POLRMT: variants seen among roughly 807,000 people sequenced by gnomAD.
POLRMT encodes the protein RNA polymerase mitochondrial, also known as DNA-directed RNA polymerase, mitochondrial.
Under a neutral mutation model 132.2 loss-of-function variants are expected in POLRMT, and 114 were observed. The observed-to-expected ratio is 0.86, with a 90% CI of 0.74 to 1.01. The LOEUF (loss-of-function observed/expected upper bound fraction) is 1.01, where lower values mean the gene tolerates loss of function less well. Ranked by LOEUF, POLRMT falls within the 50% of genes least tolerant of loss-of-function variation. The pLI, the probability that POLRMT is intolerant of heterozygous loss-of-function variation, is 0.00. For missense variants in POLRMT, 2,003 were observed against 1,729.1 expected, an observed-to-expected ratio of 1.16 and a Z score of -2.81; for synonymous variants, 1,020 against 773.4, an observed-to-expected ratio of 1.32 and a Z score of -5.29.
rs1984717336 is a variant in POLRMT, at chr19:622,728, C to G, written c.1480G>C (p.Gly494Arg). The change falls in exon 8 of 21, where the codon GGT becomes CGT. Residue 494 changes from glycine (G) to arginine (R), a missense_variant. Transcript: ENST00000588649. ...LQVLQALPAQGESFTTLAREL... is the reference protein window; with the variant it reads ...LQVLQALPAQRESFTTLAREL... ...CGGGCCAGGGTGGTGAAGGACTCAC[C>G]TTGGGCGGGCAGCGCCTGCAGGACC... is the stretch of plus-strand genomic sequence containing the variant. 2 of 1,597,228 alleles carry G rather than the reference C, an allele frequency of 1.3e-6. No homozygotes were observed. Among genetic ancestry groups the G allele is most frequent in the Non-Finnish European group, 1.7e-6 (2 of 1,173,366 alleles).
At chr19:633,238 G>A (rs1180938337) in intron 1 of POLRMT, 187 bp downstream of exon 1, 2 of 735,632 alleles carry the variant, frequency 2.7e-6, no homozygotes, top group East Asian at 3.3e-5. Context: ...ACGAGTCAAA[G>A]GTCAGACTGC....
Position 630,179 on chromosome 19 carries a change from C to A in POLRMT, c.194-11G>T. 6.4e-7 allele frequency: 1 copy of A among 1,573,840 alleles called. No individual in the cohort carries two copies. The highest frequency in any genetic ancestry group is 8.6e-7 in the Non-Finnish European group (1 of 1,158,808). Reference sequence around the variant, plus strand: ...CCCGCGCCTGGAGCACTGTGAGGGGCAGAAGGCGAGGACATGAGAGGGACC... The same window carrying A: ...CCCGCGCCTGGAGCACTGTGAGGGGAAGAAGGCGAGGACATGAGAGGGACC... On this transcript the variant is annotated splice_polypyrimidine_tract_variant and intron_variant, in intron 2 of 20. Transcript: ENST00000588649.
At chr19:618,874 G>C in intron 15 of POLRMT, 114 bp from the exon 16 acceptor site, 1 of 1,381,712 alleles carries the variant, frequency 7.2e-7, no homozygotes, top group Non-Finnish European at 1.0e-6. Flanking sequence ...CACTGGCGCG[G>C]GATGGGGTGG....
At chr19:629,414 G>A (rs564561359) in intron 3 of POLRMT, 126 bp downstream of exon 3, 8 of 1,048,838 alleles carry the variant, frequency 7.6e-6, no homozygotes, top group Admixed American at 2.8e-5. Context: ...AAGCCTAAAA[G>A]AATTATTAAA....
At chr19:632,464 G>A (rs1328290392) in intron 2 of POLRMT, among the ~76,000 whole-genome samples, 1 of 150,784 alleles carries the variant, frequency 6.6e-6, no homozygotes, top group Non-Finnish European at 1.5e-5. Context: ...ACCCCCCAGA[G>A]CCAAGCCAGG....
chr19:631,706 G>C (rs1291939274), intron 2 of POLRMT, among the ~76,000 whole-genome samples: 1 of 152,178 alleles, frequency 6.6e-6, no homozygotes, highest in African/African-American at 2.4e-5. Flanking sequence ...CCAAAACTCA[G>C]GAGATACTTT....
At position 620,483 on chromosome 19, in the gene POLRMT, C is replaced by T. The variant is rs1403793137; in HGVS notation, c.2645G>A (p.Arg882Gln). Residue 882 changes from arginine to glutamine, a missense_variant, in exon 11 of 21, where the codon CGA becomes CAA. Physicochemically the swap from Arg to Gln is conservative, Grantham distance 43. Coordinates refer to ENST00000588649, the MANE Select transcript of POLRMT (RefSeq NM_005035.4). ...TTCCTCCGCGCCCATCCACCACTTT[C>T]GGCCCTGCGGGGACAGCGGATGGGG... ...LDSADQPLTG[R>Q]KWWMGAEEPW... is the part of the protein sequence containing the mutation. 4 of 1,586,270 alleles carry T rather than the reference C, an allele frequency of 2.5e-6. No homozygotes were observed. The highest frequency in any genetic ancestry group is 2.3e-5 in the East Asian group (1 of 44,072).
At chr19:633,212 G>A (rs972109369) in intron 1 of POLRMT, 7 of 612,596 alleles carry the variant, frequency 1.1e-5, no homozygotes, top group Non-Finnish European at 1.6e-5. Context: ...GGGGTCAGGA[G>A]GCTGCATAAG....
intron 12 of POLRMT, 73 bp downstream of exon 12, chr19:619,885 C>A (rs1984368137): frequency 4.4e-6 from 7 of 1,589,006 alleles, no homozygotes; most frequent in Non-Finnish European, 6.0e-6. Flanking sequence ...AAGGTGAGGG[C>A]ACCTGGGGCC....
chr19:620,786 AGGGGGGAAC>A (rs1467492140), intron 10 of POLRMT, among the ~76,000 whole-genome samples: 2 of 26,436 alleles, frequency 7.6e-5, no homozygotes, highest in Non-Finnish European at 1.4e-4. Context: ...GATGCAGGGG[AGGGGGGAAC>A]GTGGGGAACG....
rs544106421 is a variant in POLRMT at position 619,185 on chromosome 19, C to G, written c.3153+25G>C. 11 of 1,610,622 alleles carry G rather than the reference C, an allele frequency of 6.8e-6. No homozygotes were observed. The South Asian group carries it at 1.2e-4, about 18-fold the overall frequency. On this transcript the variant is annotated intron_variant, in intron 14 of 20. Coordinates refer to ENST00000588649, the MANE Select transcript of POLRMT (RefSeq NM_005035.4). ...GTCCACTTGCTTAGGGAGTCCTGGC[C>G]GAGCGGGGACAGGACAGGACGTACC...
chr19:620,504 TG>T lies in POLRMT; in HGVS notation c.2641-18del, dbSNP rs1352169680. The T allele has an allele frequency of 9.7e-6, 15 of 1,552,064 alleles. No individual in the cohort carries two copies. Among genetic ancestry groups the T allele is most frequent in the Non-Finnish European group, 9.6e-6 (11 of 1,147,268 alleles). Reference sequence around the variant, plus strand: ...CTTTCGGCCCTGCGGGGACAGCGGATGGGGGGCAGTGAGGCCCGGGCCCGAT... The same window carrying T: ...CTTTCGGCCCTGCGGGGACAGCGGATGGGGGCAGTGAGGCCCGGGCCCGAT... On this transcript the variant is annotated intron_variant, in intron 10 of 20. Transcript: ENST00000588649.
At chr19:617,505 G>T in intron 19 of POLRMT, 25 bp from the exon 20 acceptor site, 2 of 1,605,762 alleles carry the variant, frequency 1.2e-6, no homozygotes, top group Non-Finnish European at 1.7e-6. Context: ...AGGGTGGGGT[G>T]AGGCTGAGGC....
At position 633,423 on chromosome 19, in the gene POLRMT, A is replaced by T; in HGVS notation, c.88+2T>A. ...CTGCCTGGCCGTCTCCCTTTGTGTT[A>T]CCTTCTTTGCCGGGGAGTCCCGGGC... is the stretch of plus-strand genomic sequence containing the variant. On this transcript the variant is annotated splice_donor_variant, in intron 1 of 20. Transcript: ENST00000588649. LOFTEE classifies it high-confidence loss of function. The T allele has an allele frequency of 1.3e-6, 2 of 1,543,578 alleles. No individual in the cohort carries two copies. Among genetic ancestry groups the T allele is most frequent in the Non-Finnish European group, 1.7e-6 (2 of 1,144,436 alleles).
Position 621,614 on chromosome 19 carries a change from G to A in POLRMT, c.2084C>T (p.Ala695Val), listed in dbSNP as rs1407363915. The A allele has an allele frequency of 1.3e-6, 2 of 1,513,958 alleles. No individual in the cohort carries two copies. Among genetic ancestry groups the A allele is most frequent in the Non-Finnish European group, 1.8e-6 (2 of 1,133,370 alleles). 93.8% of individuals were successfully genotyped at this position (1,513,958 alleles called of 1,614,324 possible). Residue 695 changes from alanine to valine, a missense_variant, in exon 10 of 21, where the codon GCA (alanine) becomes GTA (valine). Ala to Val is a moderately conservative substitution (Grantham distance 64, BLOSUM62 0). Coordinates refer to ENST00000588649, the MANE Select transcript of POLRMT (RefSeq NM_005035.4). ...ETCPPTALHG[A>V]LDALTQLGNC... ...GCCCAGTTGGGTGAGGGCGTCCAGT[G>A]CGCCATGCAGCGCGGTGGGCGGGCA...
At chr19:627,147 C>CTTTTTT (rs771954413) in intron 3 of POLRMT, among the ~76,000 whole-genome samples, 8 of 131,240 alleles carry the variant, frequency 6.1e-5, no homozygotes, top group Non-Finnish European at 1.1e-4. Context: ...AGTTTTGGGG[C>CTTTTTT]ATTTTTTTTT....
chr19:621,820 G>A lies in POLRMT; in HGVS notation c.1878C>T (p.Ala626=), dbSNP rs1431313872. Residue 626 remains alanine (A), a synonymous_variant, in exon 10 of 21, where the codon GCC becomes GCT. Transcript: ENST00000588649. ...CGGCCTTCTCCAGCAGCTGCACGTA[G>A]GCCGGGTGCGGCTTCAGGATGCCGA... ...QQIGILKPHP[A]YVQLLEKAAE... 4 of 1,602,290 alleles carry A rather than the reference G, an allele frequency of 2.5e-6. No individual in the cohort carries two copies. Among genetic ancestry groups the A allele is most frequent in the Non-Finnish European group, 3.4e-6 (4 of 1,179,836 alleles).
At chr19:630,527 C>T (rs1170856832) in intron 2 of POLRMT, among the ~76,000 whole-genome samples, 1 of 152,180 alleles carries the variant, frequency 6.6e-6, no homozygotes, top group African/African-American at 2.4e-5. Context: ...CTCAGTACCT[C>T]CTCTGGGCTT....
intron 2 of POLRMT, among the ~76,000 whole-genome samples, 195 bp from the exon 3 acceptor site, chr19:630,363 C>T (rs1039256825): frequency 3.3e-5 from 5 of 152,190 alleles, no homozygotes; most frequent in East Asian, 1.9e-4. Context: ...CCACCACCTC[C>T]GCACCTCCCC....
Sources: gnomAD v4.1 joint callset for allele counts (sites outside exome capture counted in the v4.1 genomes callset) on GRCh38, gnomAD v4.1.1 for gene constraint, MANE v1.5 for transcripts, NCBI Gene and HGNC (gene_info 2026-07-23, HGNC 2026-07-21) for gene names.